Variants in SPACA7 observed in about 807,000 individuals in gnomAD.
SPACA7 encodes the protein sperm acrosome-associated protein 7.
SPACA7 carries 19 observed loss-of-function variants against 26.3 expected under a neutral mutation model. That is an observed-to-expected ratio of 0.72 (90% confidence interval 0.50 to 1.06). The LOEUF is 1.06. Ranked by LOEUF, SPACA7 falls within the 50% of genes least tolerant of loss-of-function variation. SPACA7 has a pLI of 0.00. For synonymous variants in SPACA7, 84 were observed against 84.5 expected (o/e 0.99, Z 0.04); for missense variants, 211 against 229.9 (o/e 0.92, Z 0.53).
Position 112,418,433 on chromosome 13 carries a change from T to C in SPACA7, c.446-14011T>C, listed in dbSNP as rs967255178. ...CAAGACTACACCCTCAGTAAAAGGA[T>C]AGTGTAGATAAAAAACCATCTACCA... On this transcript the variant is annotated intron_variant, in intron 5 of 6. Transcript: ENST00000283550. Among the ~76,000 whole-genome samples, 5 of 152,292 alleles carry C rather than the reference T, an allele frequency of 3.3e-5. 1 individual carries two copies. Among genetic ancestry groups the C allele is most frequent in the Non-Finnish European group, 1.5e-5 (1 of 68,014 alleles).
At chr13:112,406,414 A>G (rs1469713069) in intron 5 of SPACA7, among the ~76,000 whole-genome samples, 2 of 152,170 alleles carry the variant, frequency 1.3e-5, no homozygotes. Context: ...CTGTCTTAGC[A>G]TGTGTCAGAA....
intron 5 of SPACA7, among the ~76,000 whole-genome samples, chr13:112,413,832 ACCTGAGGCTG>A (rs1396931471): frequency 6.6e-6 from 1 of 152,152 alleles, no homozygotes; most frequent in Non-Finnish European, 1.5e-5. Context: ...ATAATGGGAT[ACCTGAGGCTG>A]GGTAATTTAT....
chr13:112,427,889 A>T (rs1876693817), intron 5 of SPACA7, among the ~76,000 whole-genome samples: 1 of 152,114 alleles, frequency 6.6e-6, no homozygotes, highest in Non-Finnish European at 1.5e-5. Context: ...AACTGTAGTG[A>T]TAGCAATTCT....
chr13:112,378,703 G>A (rs1342457073), intron 1 of SPACA7: 1 of 471,202 alleles, frequency 2.1e-6, no homozygotes, highest in Non-Finnish European at 4.4e-6. Context: ...CTCACCTGTG[G>A]GATGGGGACC....
At chr13:112,384,027 CT>C (rs1884376651) in intron 1 of SPACA7, among the ~76,000 whole-genome samples, 1 of 152,140 alleles carries the variant, frequency 6.6e-6, no homozygotes, top group African/African-American at 2.4e-5. Context: ...TTGCAAATAG[CT>C]TTAAAGAAAT....
At chr13:112,393,133 T>G in intron 2 of SPACA7, 56 bp downstream of exon 2, 5 of 1,423,762 alleles carry the variant, frequency 3.5e-6, no homozygotes, top group Admixed American at 3.6e-5. Context: ...GCTGGATGGT[T>G]GTCTGTGGCT....
chr13:112,393,060 A>C lies in SPACA7; in HGVS notation c.134A>C (p.Asp45Ala). 6.2e-7 allele frequency: 1 copy of C among 1,612,952 alleles called. No individual in the cohort carries two copies. Among genetic ancestry groups the C allele is most frequent in the African/African-American group, 1.3e-5 (1 of 75,042 alleles). ...ATACCATTCAGTTCAAAACAGGAGG[A>C]TATGTCTGAATTATTAGGTAAGGAA... is the stretch of plus-strand genomic sequence containing the variant. The part of the protein sequence containing the change: ...TEIPFSSKQE[D>A]MSELLDEILV... Residue 45 changes from aspartate (D) to alanine (A), a missense_variant, in exon 2 of 7, where the codon GAT (aspartate) becomes GCT (alanine). Coordinates refer to ENST00000283550, the MANE Select transcript of SPACA7 (RefSeq NM_145248.5).
chr13:112,425,007 T>C (rs920637501), intron 5 of SPACA7, among the ~76,000 whole-genome samples: 5 of 152,208 alleles, frequency 3.3e-5, no homozygotes, highest in Admixed American at 2.0e-4. Context: ...ACCTTGACCC[T>C]TATTTGAGCA....
At chr13:112,426,339 T>A (rs918298760) in intron 5 of SPACA7, among the ~76,000 whole-genome samples, 5 of 152,240 alleles carry the variant, frequency 3.3e-5, no homozygotes, top group African/African-American at 1.2e-4. Context: ...GATCACAGGT[T>A]TGAATTTTCC....
chr13:112,378,648 G>C (rs9550063), intron 1 of SPACA7: 135,312 of 470,450 alleles, frequency 0.29, 21,396 homozygotes, highest in Non-Finnish European at 0.34. Context: ...CGAAGGTCTC[G>C]AGGTTCCCAA....
chr13:112,383,026 A>AAGAGAG (rs1555324355), intron 1 of SPACA7, among the ~76,000 whole-genome samples: 5 of 95,308 alleles, frequency 5.2e-5, no homozygotes, highest in South Asian at 3.4e-4. Flanking sequence ...GAAAGAAAGA[A>AAGAGAG]AGAGAGAGAG....
chr13:112,381,425 C>T (rs1368411594), intron 1 of SPACA7, among the ~76,000 whole-genome samples: 2 of 149,888 alleles, frequency 1.3e-5, no homozygotes, highest in East Asian at 2.0e-4. Context: ...CCCAAGAGGT[C>T]GAGGCTGCAG....
intron 5 of SPACA7, among the ~76,000 whole-genome samples, chr13:112,410,592 G>A (rs1314852040): frequency 6.6e-6 from 1 of 152,010 alleles, no homozygotes; most frequent in Non-Finnish European, 1.5e-5. Flanking sequence ...GACAAATACT[G>A]TGTGATTCCA....
chr13:112,378,891 A>G (rs1214447491), intron 1 of SPACA7, among the ~76,000 whole-genome samples: 1 of 152,206 alleles, frequency 6.6e-6, no homozygotes, highest in Non-Finnish European at 1.5e-5. Context: ...ATCAATTTTT[A>G]TTAAACTTAC....
chr13:112,411,511 A>C (rs1321596104), intron 5 of SPACA7, among the ~76,000 whole-genome samples: 1 of 152,098 alleles, frequency 6.6e-6, no homozygotes, highest in Non-Finnish European at 1.5e-5. Flanking sequence ...TAATCACCCT[A>C]CCGTGCTGCC....
intron 2 of SPACA7, among the ~76,000 whole-genome samples, chr13:112,395,299 A>G (rs1885167151): frequency 6.6e-6 from 1 of 152,200 alleles, no homozygotes; most frequent in South Asian, 2.1e-4. Flanking sequence ...CAAAAGCCAG[A>G]GGAGCTGTCG....
intron 1 of SPACA7, among the ~76,000 whole-genome samples, chr13:112,386,768 G>A (rs935263945): frequency 2.0e-4 from 30 of 152,268 alleles, no homozygotes; most frequent in African/African-American, 6.7e-4. Context: ...TAACCATGGT[G>A]CTCTTTAAAA....
intron 2 of SPACA7, among the ~76,000 whole-genome samples, chr13:112,395,310 A>G (rs9577740): frequency 0.13 from 20,105 of 152,120 alleles, 3,345 homozygotes; most frequent in African/African-American, 0.38. Context: ...GGAGCTGTCG[A>G]TGATGGATGC....
intron 4 of SPACA7, among the ~76,000 whole-genome samples, chr13:112,399,871 C>T (rs553816347): frequency 6.6e-6 from 1 of 152,120 alleles, no homozygotes; most frequent in South Asian, 2.1e-4. Flanking sequence ...GGCAGAAGAC[C>T]CTAGAGGAAG....
Sources: allele counts gnomAD v4.1 joint callset (sites outside exome capture counted in the v4.1 genomes callset), GRCh38; gene constraint gnomAD v4.1.1; transcripts MANE v1.5; gene names NCBI Gene and HGNC (gene_info 2026-07-23, HGNC 2026-07-21).